CCDC178: variants seen among roughly 807,000 people sequenced by gnomAD.
CCDC178 encodes coiled-coil domain-containing protein 178.
In CCDC178, 126 loss-of-function variants were observed where a neutral mutation model predicts 117.4. That is an observed-to-expected ratio of 1.07 (90% CI 0.93 to 1.24). The LOEUF (loss-of-function observed/expected upper bound fraction) is 1.24, where lower values mean the gene tolerates loss of function less well. CCDC178 is among the 50% of genes most tolerant of loss of function. The probability of loss-of-function intolerance (pLI) is 0.00; values close to 1 mark genes in which losing one functional copy is unlikely to be tolerated. For synonymous variants in CCDC178, 283 were observed against 313.4 expected, an observed-to-expected ratio of 0.90 and a Z score of 1.02; for missense variants, 1,030 against 986.9, an observed-to-expected ratio of 1.04 and a Z score of -0.59.
intron 20 of CCDC178, among the ~76,000 whole-genome samples, chr18:33,158,787 G>C (rs1203510436): frequency 6.6e-6 from 1 of 152,010 alleles, no homozygotes; most frequent in African/African-American, 2.4e-5. Flanking sequence ...TAAAGTGTCT[G>C]CCTCAGAATT....
At chr18:33,365,311 C>T (rs1344856127) in intron 6 of CCDC178, among the ~76,000 whole-genome samples, 1 of 151,998 alleles carries the variant, frequency 6.6e-6, no homozygotes, top group Non-Finnish European at 1.5e-5. Flanking sequence ...ATGAGAATGA[C>T]AAACTTTTTA....
At chr18:33,306,766 A>C (rs2062261248) in intron 11 of CCDC178, among the ~76,000 whole-genome samples, 1 of 151,914 alleles carries the variant, frequency 6.6e-6, no homozygotes, top group Non-Finnish European at 1.5e-5. Flanking sequence ...CTCATCTTGA[A>C]TTGTAGCTCC....
intron 21 of CCDC178, among the ~76,000 whole-genome samples, chr18:33,074,846 AT>A (rs899458572): frequency 1.3e-5 from 2 of 152,248 alleles, no homozygotes; most frequent in African/African-American, 4.8e-5. Flanking sequence ...TCATTCCAAA[AT>A]TTGTAACAAA....
chr18:33,365,692 GTTA>G (rs776483185), intron 6 of CCDC178, among the ~76,000 whole-genome samples: 2 of 151,904 alleles, frequency 1.3e-5, no homozygotes, highest in South Asian at 2.1e-4. Context: ...TTCTCTCTGT[GTTA>G]TTCTTTTAAG....
intron 18 of CCDC178, among the ~76,000 whole-genome samples, chr18:33,221,487 T>C (rs2059233701): frequency 6.6e-6 from 1 of 152,116 alleles, no homozygotes; most frequent in African/African-American, 2.4e-5. Flanking sequence ...TGTGTGAGAA[T>C]ACTGGGCGGA....
chr18:33,208,755 G>GAAAGTGTC (rs1268024221), intron 20 of CCDC178, among the ~76,000 whole-genome samples: 1 of 152,122 alleles, frequency 6.6e-6, no homozygotes, highest in East Asian at 1.9e-4. Flanking sequence ...TTTTCCACAT[G>GAAAGTGTC]AAAGTGTCAA....
At chr18:33,395,350 C>T (rs1243481795) in intron 4 of CCDC178, among the ~76,000 whole-genome samples, 2 of 151,874 alleles carry the variant, frequency 1.3e-5, no homozygotes, top group Non-Finnish European at 2.9e-5. Flanking sequence ...ATTAGAATGC[C>T]TTAACTCCCA....
At chr18:33,230,246 CTGTGTGTG>C (rs111674114) in intron 15 of CCDC178, among the ~76,000 whole-genome samples, 47 of 148,092 alleles carry the variant, frequency 3.2e-4, no homozygotes, top group African/African-American at 9.9e-4. Context: ...AACTCAGAGG[CTGTGTGTG>C]TGTGTGTGTG....
chr18:33,054,703 G>T (rs2056801074), intron 21 of CCDC178, among the ~76,000 whole-genome samples: 2 of 152,176 alleles, frequency 1.3e-5, no homozygotes, highest in African/African-American at 4.8e-5. Context: ...CTATGTCTTT[G>T]CTATTGTGAA....
At chr18:32,975,635 T>G (rs1388125974) in intron 21 of CCDC178, among the ~76,000 whole-genome samples, 1 of 152,130 alleles carries the variant, frequency 6.6e-6, no homozygotes, top group African/African-American at 2.4e-5. Flanking sequence ...ATATATCATA[T>G]GTTTATACAA....
At chr18:32,943,936 T>C (rs1479968244) in intron 22 of CCDC178, among the ~76,000 whole-genome samples, 2 of 152,224 alleles carry the variant, frequency 1.3e-5, no homozygotes, top group Non-Finnish European at 2.9e-5. Context: ...TCAAACCTTG[T>C]ATGGACATTG....
intron 22 of CCDC178, among the ~76,000 whole-genome samples, chr18:32,948,091 G>T (rs2054395673): frequency 6.6e-6 from 1 of 151,758 alleles, no homozygotes; most frequent in African/African-American, 2.4e-5. Flanking sequence ...CATTTTTTTG[G>T]TTACTGTAAC....
chr18:33,237,445 C>T (rs1000330264), intron 15 of CCDC178, among the ~76,000 whole-genome samples: 2 of 152,206 alleles, frequency 1.3e-5, no homozygotes, highest in African/African-American at 4.8e-5. Flanking sequence ...ACAGCCATGT[C>T]AGAGGCTTGA....
At chr18:33,073,753 T>C (rs2057156014) in intron 21 of CCDC178, among the ~76,000 whole-genome samples, 1 of 152,144 alleles carries the variant, frequency 6.6e-6, no homozygotes, top group African/African-American at 2.4e-5. Context: ...CTCTCTTGTA[T>C]TGAGCATACG....
intron 11 of CCDC178, among the ~76,000 whole-genome samples, chr18:33,298,028 G>A (rs980722032): frequency 1.5e-4 from 19 of 128,238 alleles, no homozygotes; most frequent in African/African-American, 4.3e-4. Flanking sequence ...GCGACTGAGC[G>A]AGACTCTGTC....
intron 20 of CCDC178, among the ~76,000 whole-genome samples, chr18:33,178,456 C>A (rs1832332248): frequency 6.6e-6 from 1 of 152,136 alleles, no homozygotes; most frequent in African/African-American, 2.4e-5. Context: ...ACATTCCAAT[C>A]ACAATTCAGT....
In CCDC178 at chr18:33,139,796, C is replaced by A. The variant is rs138467438; in HGVS notation, c.2239-46886G>T. On this transcript the variant is annotated intron_variant, in intron 20 of 22. Coordinates refer to ENST00000383096, the MANE Select transcript of CCDC178 (RefSeq NM_001105528.4). ...TCTGAGGAGAATTTCAAGCCTGCTG[C>A]AGAAATTTGCGTAAGTAACGAGAAG... Among the ~76,000 whole-genome samples, 92 of 152,278 alleles carry A rather than the reference C, an allele frequency of 6.0e-4. 1 individual carries two copies. The East Asian group carries it at 0.017, about 28-fold the overall frequency.
At chr18:33,187,065 G>C (rs1237653171) in intron 20 of CCDC178, among the ~76,000 whole-genome samples, 1 of 147,316 alleles carries the variant, frequency 6.8e-6, no homozygotes, top group Non-Finnish European at 1.5e-5. Flanking sequence ...GGGGAGACAA[G>C]GCACATCTTA....
In CCDC178 at chr18:32,945,180, A is replaced by C. The variant is rs1324322120; in HGVS notation, c.2524-7089T>G. On this transcript the variant is annotated intron_variant, in intron 22 of 22. Coordinates refer to ENST00000383096, the MANE Select transcript of CCDC178 (RefSeq NM_001105528.4). ...TATATGTCCTGAAGGCAGTGAAGGC[A>C]GTTCTAAAGCTGTTAGCAATATAAG... Among the ~76,000 whole-genome samples the C allele has an allele frequency of 2.0e-5, 3 of 152,198 alleles. No homozygotes were observed. In the East Asian group the frequency reaches 5.8e-4, roughly 29 times the overall value.
Sources: allele counts gnomAD v4.1 joint callset (sites outside exome capture counted in the v4.1 genomes callset), GRCh38; gene constraint gnomAD v4.1.1; transcripts MANE v1.5; gene names NCBI Gene and HGNC (gene_info 2026-07-23, HGNC 2026-07-21).